IGSF23: variants seen among roughly 807,000 people sequenced by gnomAD.
IGSF23 encodes immunoglobulin superfamily, member 23.
A neutral mutation model predicts 17.8 loss-of-function variants in IGSF23; 14 were observed. The ratio of observed to expected loss-of-function variants is 0.79; its 90% CI spans 0.52 to 1.23. The LOEUF (loss-of-function observed/expected upper bound fraction) is 1.23, where lower values mean the gene tolerates loss of function less well. Among genes scored for constraint, IGSF23 ranks in the 50% most tolerant of loss-of-function variants. The probability of loss-of-function intolerance (pLI) is 0.00; values close to 1 mark genes in which losing one functional copy is unlikely to be tolerated. For synonymous variants in IGSF23, 85 were observed against 92.5 expected (o/e 0.92, Z 0.46); for missense variants, 214 against 241.7 (o/e 0.89, Z 0.76).
chr19:44,618,378 G>A (rs1446283380), intron 1 of IGSF23, among the ~76,000 whole-genome samples: 1 of 152,172 alleles, frequency 6.6e-6, no homozygotes, highest in Non-Finnish European at 1.5e-5. Context: ...GAAACCAGCA[G>A]GGGACACAGG....
In IGSF23 at chr19:44,623,860, A is replaced by T. The variant is rs1433100330; in HGVS notation, c.279A>T (p.Gly93=). The T allele has an allele frequency of 3.9e-6, 6 of 1,550,668 alleles. No homozygotes were observed. In the East Asian group the frequency reaches 1.2e-4, roughly 32 times the overall value. Residue 93 remains glycine (G), a synonymous_variant, in exon 2 of 5, where the codon GGA becomes GGT. Coordinates refer to ENST00000402988, the MANE Select transcript of IGSF23 (RefSeq NM_001205280.2). ...WTFSGVPCGM[G]EKLFIRRLSC... The stretch of plus-strand genomic sequence containing the variant: ...TCAGTGGGGTGCCCTGTGGGATGGG[A>T]GAGAAGCTGTTCATCCGACGGTTGT...
intron 3 of IGSF23, among the ~76,000 whole-genome samples, chr19:44,634,032 G>A (rs1056893592): frequency 2.6e-5 from 4 of 152,154 alleles, no homozygotes; most frequent in South Asian, 4.1e-4. Flanking sequence ...TATTGTCCCC[G>A]CTAACAAGGG....
In IGSF23 at chr19:44,627,586, C is replaced by A; in HGVS notation, c.545+13C>A. ...TCCAGAGCCTAAGGTACCTCTATCC[C>A]TCACCCCCGTCCACTGGGCAACATC... On this transcript the variant is annotated intron_variant, in intron 3 of 4. Transcript: ENST00000402988. The A allele has an allele frequency of 6.5e-7, 1 of 1,544,232 alleles. No homozygotes were observed.
At chr19:44,628,576 C>A (rs1190670084) in intron 3 of IGSF23, among the ~76,000 whole-genome samples, 1 of 151,956 alleles carries the variant, frequency 6.6e-6, no homozygotes, top group African/African-American at 2.4e-5. Context: ...GACAAGACAT[C>A]TTGTCATCTC....
intron 1 of IGSF23, among the ~76,000 whole-genome samples, chr19:44,617,848 G>T (rs936407962): frequency 6.6e-6 from 1 of 152,064 alleles, no homozygotes; most frequent in Non-Finnish European, 1.5e-5. Flanking sequence ...TTACTCCCCC[G>T]CTGCCCTCTC....
intron 1 of IGSF23, among the ~76,000 whole-genome samples, chr19:44,619,034 G>C (rs1214313456): frequency 6.6e-6 from 1 of 152,018 alleles, no homozygotes; most frequent in Non-Finnish European, 1.5e-5. Context: ...TTCCACAGGT[G>C]GAAGTGTAAT....
chr19:44,635,608 G>A, intron 4 of IGSF23, 143 bp downstream of exon 4: 3 of 574,210 alleles, frequency 5.2e-6, no homozygotes, highest in Non-Finnish European at 9.0e-6. Context: ...GAGAGCTCCA[G>A]GAGCTGCTTT....
At chr19:44,614,069 A>T (rs1447809808) in intron 1 of IGSF23, 2 of 1,210,636 alleles carry the variant, frequency 1.7e-6, no homozygotes, top group Non-Finnish European at 2.3e-6. Flanking sequence ...AGTCACCCCC[A>T]CTCAGAGCTT....
At chr19:44,635,654 C>T (rs995375849) in intron 4 of IGSF23, among the ~76,000 whole-genome samples, 189 bp downstream of exon 4, 2 of 152,150 alleles carry the variant, frequency 1.3e-5, no homozygotes, top group African/African-American at 4.8e-5. Flanking sequence ...CCCCATCTGC[C>T]CAGCTCATCA....
Position 44,624,921 on chromosome 19 carries a change from A to C in IGSF23, c.391+949A>C, listed in dbSNP as rs1196314100. ...TACCAAAAAAAAAAAAAAAAAAAAA[A>C]ACTAAAAATTTAATCAGGCATGGTA... On this transcript the variant is annotated intron_variant, in intron 2 of 4. Coordinates refer to ENST00000402988, the MANE Select transcript of IGSF23 (RefSeq NM_001205280.2). 9.1e-5 allele frequency among the ~76,000 whole-genome samples: 13 copies of C among 143,148 alleles called. No homozygotes were observed. The South Asian group carries it at 1.4e-3, about 15-fold the overall frequency. 93.9% of individuals were successfully genotyped at this position (143,148 alleles called of 152,430 possible).
At chr19:44,616,026 T>C (rs990386777) in intron 1 of IGSF23, among the ~76,000 whole-genome samples, 4 of 152,142 alleles carry the variant, frequency 2.6e-5, no homozygotes, top group Admixed American at 6.5e-5. Flanking sequence ...TACAAAACAT[T>C]GTCCAAAGGA....
At chr19:44,614,131 C>G (rs576029512) in intron 1 of IGSF23, 1 of 522,016 alleles carries the variant, frequency 1.9e-6, no homozygotes, top group African/African-American at 1.9e-5. Flanking sequence ...CTCATGAGAA[C>G]TCTTGAAGGC....
chr19:44,632,247 G>C (rs1972784055), intron 3 of IGSF23: 1 of 204,350 alleles, frequency 4.9e-6, no homozygotes, highest in South Asian at 6.5e-5. Context: ...ATTACATCCA[G>C]GCATTATTGC....
chr19:44,628,182 A>C (rs1349451183), intron 3 of IGSF23, among the ~76,000 whole-genome samples: 2 of 152,082 alleles, frequency 1.3e-5, no homozygotes, highest in African/African-American at 4.8e-5. Context: ...TGACCTCATG[A>C]TCTGCCTACC....
chr19:44,626,284 G>A (rs1316829950), intron 2 of IGSF23, among the ~76,000 whole-genome samples: 1 of 152,130 alleles, frequency 6.6e-6, no homozygotes, highest in Non-Finnish European at 1.5e-5. Flanking sequence ...GATGCACTGG[G>A]GGAAAAAATG....
At chr19:44,617,758 T>C (rs1331924038) in intron 1 of IGSF23, among the ~76,000 whole-genome samples, 1 of 151,960 alleles carries the variant, frequency 6.6e-6, no homozygotes, top group Non-Finnish European at 1.5e-5. Context: ...ACATTAGTAG[T>C]ATATGGAGAG....
chr19:44,622,208 G>GAAA (rs1250112959), intron 1 of IGSF23, among the ~76,000 whole-genome samples: 1 of 113,804 alleles, frequency 8.8e-6, no homozygotes, highest in Non-Finnish European at 1.9e-5. Context: ...TCCGTTTCAA[G>GAAA]AAAAAAAAAA....
intron 1 of IGSF23, among the ~76,000 whole-genome samples, chr19:44,616,530 T>C (rs1480317605): frequency 6.6e-6 from 1 of 151,936 alleles, no homozygotes; most frequent in Non-Finnish European, 1.5e-5. Flanking sequence ...ACCCTGTCTC[T>C]ACTAAAATAC....
At chr19:44,631,987 G>C (rs1234720600) in intron 3 of IGSF23, among the ~76,000 whole-genome samples, 1 of 152,092 alleles carries the variant, frequency 6.6e-6, no homozygotes, top group African/African-American at 2.4e-5. Context: ...TTTGCGGGGG[G>C]GCCTGTTGGT....
Sources: allele counts gnomAD v4.1 joint callset (sites outside exome capture counted in the v4.1 genomes callset), GRCh38; gene constraint gnomAD v4.1.1; transcripts MANE v1.5; gene names NCBI Gene and HGNC (gene_info 2026-07-23, HGNC 2026-07-21).